The following SAMSN1 variants were observed in gnomAD, a reference collection of about 807,000 sequenced individuals.
SAMSN1 encodes the protein SAM domain, SH3 domain and nuclear localization signals 1.
SAMSN1 carries 31 observed loss-of-function variants against 42.0 expected under a neutral mutation model. The observed-to-expected ratio is 0.74, with a 90% CI of 0.55 to 1.00. The LOEUF is 1.00. Among genes scored for constraint, SAMSN1 ranks in the 50% least tolerant of loss-of-function variants. The pLI, the probability that SAMSN1 is intolerant of heterozygous loss-of-function variation, is 0.00. For missense variants in SAMSN1, 464 were observed against 439.4 expected (o/e 1.06, Z -0.50); for synonymous variants, 178 against 151.9 (o/e 1.17, Z -1.26).
At chr21:14,491,847 TA>T (rs1198815276) in intron 7 of SAMSN1, among the ~76,000 whole-genome samples, 2 of 152,208 alleles carry the variant, frequency 1.3e-5, no homozygotes, top group African/African-American at 2.4e-5. Context: ...ATAGATATGA[TA>T]AAAAACTAAT....
intron 4 of SAMSN1, among the ~76,000 whole-genome samples, chr21:14,610,763 A>G (rs1323347857): frequency 2.0e-5 from 3 of 152,202 alleles, no homozygotes; most frequent in Admixed American, 1.3e-4. Context: ...CATATCAGGG[A>G]GTTCTAGTCC....
chr21:14,616,047 A>C, intron 2 of SAMSN1: 1 of 571,924 alleles, frequency 1.7e-6, no homozygotes, highest in Non-Finnish European at 3.2e-6. Flanking sequence ...AATAAAATAA[A>C]ATAAATAACA....
chr21:14,632,851 C>A (rs1983367002), intron 2 of SAMSN1, among the ~76,000 whole-genome samples: 1 of 152,148 alleles, frequency 6.6e-6, no homozygotes. Flanking sequence ...GGGCTGGAGG[C>A]CTTACTTTAT....
intron 3 of SAMSN1, 43 bp from the exon 4 acceptor site, chr21:14,512,616 C>G: frequency 6.3e-7 from 1 of 1,597,756 alleles, no homozygotes; most frequent in East Asian, 2.2e-5. Flanking sequence ...GAGAAGATTT[C>G]CACAGAGATG....
At chr21:14,526,110 C>T (rs553224210) in intron 1 of SAMSN1, among the ~76,000 whole-genome samples, 2 of 152,270 alleles carry the variant, frequency 1.3e-5, no homozygotes, top group South Asian at 2.1e-4. Flanking sequence ...TCAGGCAATT[C>T]GCCCGCCTTG....
chr21:14,606,444 T>A (rs1982573347), intron 5 of SAMSN1, among the ~76,000 whole-genome samples: 1 of 152,170 alleles, frequency 6.6e-6, no homozygotes, highest in Admixed American at 6.5e-5. Flanking sequence ...TTTAATTAAA[T>A]CATAACTTAA....
intron 5 of SAMSN1, among the ~76,000 whole-genome samples, chr21:14,505,123 C>A (rs1466701665): frequency 6.6e-6 from 1 of 152,120 alleles, no homozygotes; most frequent in Non-Finnish European, 1.5e-5. Flanking sequence ...CACATCAAAA[C>A]AGAACCTCTT....
intron 5 of SAMSN1, among the ~76,000 whole-genome samples, chr21:14,506,053 C>T (rs1176269724): frequency 6.6e-6 from 1 of 152,070 alleles, no homozygotes; most frequent in East Asian, 1.9e-4. Flanking sequence ...CCTATGACAA[C>T]CTCTGGGACA....
Position 14,485,780 on chromosome 21 carries a change from T to G in SAMSN1, c.*132A>C. On this transcript the variant is annotated 3_prime_UTR_variant, in exon 8 of 8. Coordinates refer to ENST00000400566, the MANE Select transcript of SAMSN1 (RefSeq NM_022136.5). Reference sequence around the variant, plus strand: ...AGATACAAAATTTTATGTACAATTATTCAGATTAAAACATTTAAACTTTAG... The same window carrying G: ...AGATACAAAATTTTATGTACAATTAGTCAGATTAAAACATTTAAACTTTAG... 1.5e-6 allele frequency: 1 copy of G among 663,516 alleles called. No homozygotes were observed. The highest frequency in any genetic ancestry group is 2.6e-6 in the Non-Finnish European group (1 of 390,318). The allele number at this position is 663,516 out of a possible 1,614,324, so 41.1% of individuals were successfully genotyped here.
chr21:14,648,656 A>G (rs1405600792), intron 1 of SAMSN1, among the ~76,000 whole-genome samples: 32 of 150,588 alleles, frequency 2.1e-4, no homozygotes, highest in African/African-American at 6.5e-4. Flanking sequence ...GCAGCCAAAA[A>G]ACACATGAAA....
chr21:14,573,216 C>A (rs116268804), intron 2 of SAMSN1, among the ~76,000 whole-genome samples: 3 of 152,094 alleles, frequency 2.0e-5, no homozygotes, highest in African/African-American at 7.2e-5. Flanking sequence ...CTCTTTATAC[C>A]GCACAGACCC....
intron 5 of SAMSN1, among the ~76,000 whole-genome samples, chr21:14,605,081 T>C (rs1982531382): frequency 6.6e-6 from 1 of 152,230 alleles, no homozygotes; most frequent in Non-Finnish European, 1.5e-5. Context: ...AGATTACAAG[T>C]GCCCTTCAAA....
intron 1 of SAMSN1, among the ~76,000 whole-genome samples, chr21:14,529,209 C>G (rs1430624556): frequency 6.6e-6 from 1 of 152,194 alleles, no homozygotes; most frequent in Non-Finnish European, 1.5e-5. Flanking sequence ...CCTACTCAAA[C>G]CCAGCCCATT....
intron 2 of SAMSN1, among the ~76,000 whole-genome samples, chr21:14,618,271 A>G (rs1982896077): frequency 6.6e-6 from 1 of 152,212 alleles, no homozygotes; most frequent in Admixed American, 6.5e-5. Flanking sequence ...TATTAAGATG[A>G]AAGAGTTAAT....
At chr21:14,636,821 G>GC (rs1416589687) in intron 2 of SAMSN1, among the ~76,000 whole-genome samples, 6 of 152,062 alleles carry the variant, frequency 3.9e-5, no homozygotes, top group Non-Finnish European at 5.9e-5. Flanking sequence ...CCAAGATCCT[G>GC]CCACTGCACT....
upstream of SAMSN1, among the ~76,000 whole-genome samples, chr21:14,549,408 T>C (rs1372223600): frequency 1.3e-5 from 2 of 152,184 alleles, no homozygotes; most frequent in Admixed American, 6.6e-5. Context: ...TCAAATCTTT[T>C]AGAATGAAAG....
intron 5 of SAMSN1, among the ~76,000 whole-genome samples, chr21:14,604,827 A>T (rs913595827): frequency 6.6e-6 from 1 of 152,246 alleles, no homozygotes; most frequent in Non-Finnish European, 1.5e-5. Flanking sequence ...TCCAGCTACC[A>T]GATGTCGAAG....
intron 1 of SAMSN1, among the ~76,000 whole-genome samples, chr21:14,528,526 C>T (rs1436458962): frequency 6.6e-6 from 1 of 152,166 alleles, no homozygotes; most frequent in African/African-American, 2.4e-5. Flanking sequence ...TTTGGCCCAA[C>T]CTCTGAAACT....
intron 2 of SAMSN1, among the ~76,000 whole-genome samples, chr21:14,632,775 G>A (rs1600975532): frequency 6.6e-6 from 1 of 152,170 alleles, no homozygotes; most frequent in East Asian, 1.9e-4. Flanking sequence ...GGTTCAGCTA[G>A]GGAAAGGATT....
Sources: gnomAD v4.1 joint callset for allele counts (sites outside exome capture counted in the v4.1 genomes callset) on GRCh38, gnomAD v4.1.1 for gene constraint, MANE v1.5 for transcripts, NCBI Gene and HGNC (gene_info 2026-07-23, HGNC 2026-07-21) for gene names.